Variants in ZSCAN5A observed in about 807,000 individuals in gnomAD.
ZSCAN5A encodes the protein zinc finger and SCAN domain-containing protein 5A.
ZSCAN5A carries 12 observed loss-of-function variants against 23.7 expected under a neutral mutation model. The ratio of observed to expected loss-of-function variants is 0.51; its 90% confidence interval spans 0.32 to 0.82. ZSCAN5A has a LOEUF of 0.82. ZSCAN5A is among the 40% of genes least tolerant of loss of function. The pLI is 0.03. For missense variants in ZSCAN5A, 597 were observed against 617.9 expected, an observed-to-expected ratio of 0.97 and a Z score of 0.36; for synonymous variants, 257 against 239.9, an observed-to-expected ratio of 1.07 and a Z score of -0.66.
chr19:56,235,143 A>C (rs1455321774), intron 2 of ZSCAN5A, among the ~76,000 whole-genome samples: 5 of 76,950 alleles, frequency 6.5e-5, no homozygotes, highest in African/African-American at 9.9e-5. Context: ...CGGTGGGCCA[A>C]GCCTCCACTC....
intron 2 of ZSCAN5A, among the ~76,000 whole-genome samples, chr19:56,330,494 CTT>C (rs776293044): frequency 3.2e-4 from 48 of 152,202 alleles, no homozygotes; most frequent in Admixed American, 5.9e-4. Context: ...GCCAGCATCT[CTT>C]GTTTTTTTTA....
At chr19:56,317,860 G>C (rs967711680), upstream of ZSCAN5A, 1 of 152,304 alleles carries the variant, frequency 6.6e-6, no homozygotes, top group Non-Finnish European at 1.5e-5. Context: ...AGAACAGAGA[G>C]GACAGAGTAG....
rs377434304 is a variant in ZSCAN5A, at chr19:56,300,449, G to A, written c.-128+12834C>T. Among the ~76,000 whole-genome samples the A allele has an allele frequency of 2.0e-5, 3 of 152,312 alleles. No individual in the cohort carries two copies. In the South Asian group the frequency reaches 6.2e-4, roughly 32 times the overall value. On this transcript the variant is annotated intron_variant, in intron 2 of 5. Transcript: ENST00000683990. ...AACTTCTAGTATCTTTATCACAGGA[G>A]GTAGATTTGCTACTTGGGGTGAGGT...
At chr19:56,357,257 A>G (rs1458605405) in intron 2 of ZSCAN5A, among the ~76,000 whole-genome samples, 1 of 148,524 alleles carries the variant, frequency 6.7e-6, no homozygotes, top group East Asian at 1.9e-4. Context: ...AATAAAACAT[A>G]TCACTGCTAT....
At chr19:56,303,579 T>G (rs2040487727) in intron 2 of ZSCAN5A, among the ~76,000 whole-genome samples, 1 of 151,842 alleles carries the variant, frequency 6.6e-6, no homozygotes. Flanking sequence ...AAGTCATCCT[T>G]CATTCATTGA....
intron 2 of ZSCAN5A, among the ~76,000 whole-genome samples, chr19:56,300,933 G>C (rs1568722393): frequency 6.6e-6 from 1 of 152,156 alleles, no homozygotes; most frequent in Non-Finnish European, 1.5e-5. Flanking sequence ...GGTCGGATCT[G>C]GTGCTAGAAA....
At chr19:56,262,679 A>G (rs1385648172) in intron 2 of ZSCAN5A, among the ~76,000 whole-genome samples, 1 of 149,610 alleles carries the variant, frequency 6.7e-6, no homozygotes, top group Non-Finnish European at 1.5e-5. Context: ...TAATCCACCC[A>G]CCACAGCCTC....
At chr19:56,322,280 A>G in intron 2 of ZSCAN5A, 1 of 1,134,872 alleles carries the variant, frequency 8.8e-7, no homozygotes, top group East Asian at 2.4e-5. Flanking sequence ...TTCAACAAGA[A>G]TTGTCCCTTT....
At chr19:56,324,641 CAAAAAAA>C (rs35806754) in intron 2 of ZSCAN5A, among the ~76,000 whole-genome samples, 3 of 81,816 alleles carry the variant, frequency 3.7e-5, no homozygotes, top group Non-Finnish European at 8.6e-5. Context: ...TGTACATGTT[CAAAAAAA>C]AAAAAAAAAA....
At chr19:56,305,541 C>T (rs1200712932) in intron 2 of ZSCAN5A, among the ~76,000 whole-genome samples, 2 of 152,128 alleles carry the variant, frequency 1.3e-5, no homozygotes, top group African/African-American at 4.8e-5. Context: ...GTGCTATGAA[C>T]AAGTTATGTT....
At chr19:56,258,921 T>G (rs1183565188) in intron 2 of ZSCAN5A, among the ~76,000 whole-genome samples, 1 of 152,128 alleles carries the variant, frequency 6.6e-6, no homozygotes, top group Non-Finnish European at 1.5e-5. Context: ...GCTGCCATGT[T>G]GTGAGGGAGC....
intron 2 of ZSCAN5A, among the ~76,000 whole-genome samples, chr19:56,280,934 G>A (rs1035122634): frequency 2.0e-5 from 3 of 152,146 alleles, no homozygotes; most frequent in East Asian, 1.9e-4. Context: ...TGAACAATGT[G>A]AGAGTTAGGG....
chr19:56,280,548 C>G (rs1306717367), intron 2 of ZSCAN5A: 2 of 151,970 alleles, frequency 1.3e-5, no homozygotes, highest in Non-Finnish European at 2.9e-5. Flanking sequence ...CTAGATATAA[C>G]CACTGTCGTA....
At chr19:56,279,988 C>T (rs1349364857) in intron 2 of ZSCAN5A, among the ~76,000 whole-genome samples, 1 of 151,950 alleles carries the variant, frequency 6.6e-6, no homozygotes, top group Non-Finnish European at 1.5e-5. Context: ...TTCCAGGGTT[C>T]AGAATTAAAG....
At chr19:56,327,963 T>C (rs182552184) in intron 2 of ZSCAN5A, among the ~76,000 whole-genome samples, 3 of 150,156 alleles carry the variant, frequency 2.0e-5, no homozygotes, top group Non-Finnish European at 4.4e-5. Flanking sequence ...TTCACATTAG[T>C]ACATATTTTG....
intron 2 of ZSCAN5A, among the ~76,000 whole-genome samples, chr19:56,230,301 G>A (rs2146477461): frequency 6.6e-6 from 1 of 152,104 alleles, no homozygotes; most frequent in East Asian, 1.9e-4. Context: ...GCCCAGGCTG[G>A]TCTTGAACTC....
At chr19:56,278,359 C>T (rs2038424843) in intron 2 of ZSCAN5A, among the ~76,000 whole-genome samples, 1 of 152,174 alleles carries the variant, frequency 6.6e-6, no homozygotes, top group African/African-American at 2.4e-5. Context: ...GTTTTGAACT[C>T]CTGACCTCAA....
At position 56,329,719 on chromosome 19, in the gene ZSCAN5A, CT is replaced by C. The variant is rs1429067533; in HGVS notation, c.-357-13452del. Among the ~76,000 whole-genome samples, 13 of 152,156 alleles carry C rather than the reference CT, an allele frequency of 8.5e-5. No individual in the cohort carries two copies. The East Asian group carries it at 2.5e-3, about 29-fold the overall frequency. Reference sequence around the variant, plus strand: ...AAAAAAAGTTTTTCATGATAATTTACTTTCTCACATCTTGGTAGGTCAAATA... The same window carrying C: ...AAAAAAAGTTTTTCATGATAATTTACTTCTCACATCTTGGTAGGTCAAATA... On this transcript the variant is annotated intron_variant, in intron 2 of 6. Coordinates refer to the ZSCAN5A transcript ENST00000587340.
chr19:56,335,776 C>T (rs921039757), intron 2 of ZSCAN5A, among the ~76,000 whole-genome samples: 3 of 152,178 alleles, frequency 2.0e-5, no homozygotes, highest in African/African-American at 7.2e-5. Flanking sequence ...TTAGGGCAGG[C>T]CTGGTGGTGA....
Sources: allele counts gnomAD v4.1 joint callset (sites outside exome capture counted in the v4.1 genomes callset), GRCh38; gene constraint gnomAD v4.1.1; transcripts MANE v1.5; gene names NCBI Gene and HGNC (gene_info 2026-07-23, HGNC 2026-07-21).